The following ZNF333 variants were observed in gnomAD, a reference collection of about 807,000 sequenced individuals.
ZNF333 encodes the protein zinc finger protein 333.
A neutral mutation model predicts 76.1 loss-of-function variants in ZNF333; 61 were observed. The ratio of observed to expected loss-of-function variants is 0.80; its 90% CI spans 0.65 to 0.99. The LOEUF (loss-of-function observed/expected upper bound fraction) is 0.99. Ranked by LOEUF, ZNF333 falls within the 50% of genes least tolerant of loss-of-function variation. The pLI is 0.00. For missense variants in ZNF333, 717 were observed against 822.4 expected, an observed-to-expected ratio of 0.87 and a Z score of 1.57; for synonymous variants, 284 against 305.0, an observed-to-expected ratio of 0.93 and a Z score of 0.72.
At chr19:14,695,980 A>G (rs540918114) in intron 4 of ZNF333, among the ~76,000 whole-genome samples, 18 of 152,248 alleles carry the variant, frequency 1.2e-4, no homozygotes, top group African/African-American at 4.3e-4. Flanking sequence ...GGAGTTCGAG[A>G]CCAGCCTGGC....
At chr19:14,695,964 A>G (rs1973153256) in intron 4 of ZNF333, among the ~76,000 whole-genome samples, 1 of 152,180 alleles carries the variant, frequency 6.6e-6, no homozygotes, top group African/African-American at 2.4e-5. Flanking sequence ...GGATCACCTG[A>G]GGTCAGGAGT....
Position 14,720,170 on chromosome 19 carries a change from A to G in ZNF333, c.*845A>G. On this transcript the variant is annotated 3_prime_UTR_variant, in exon 12 of 12. Coordinates refer to ENST00000292530, the MANE Select transcript of ZNF333 (RefSeq NM_032433.4). ...CACTGCACTCCAGCCTGGGCAACAG[A>G]GTGAAACTCTGTCTCAAAAATAATA... is the stretch of plus-strand genomic sequence containing the variant. The G allele has an allele frequency of 1.0e-6, 1 of 974,970 alleles. No individual in the cohort carries two copies. The highest frequency in any genetic ancestry group is 1.2e-6 in the Non-Finnish European group (1 of 820,536). The allele number at this position is 974,970 out of a possible 1,614,324, so 60.4% of individuals were successfully genotyped here.
intron 5 of ZNF333, among the ~76,000 whole-genome samples, chr19:14,702,096 T>A (rs2041974296): frequency 6.6e-6 from 1 of 152,112 alleles, no homozygotes; most frequent in African/African-American, 2.4e-5. Context: ...CTCCGAGACC[T>A]CCCTGTCACA....
chr19:14,698,899 G>GATATATATATAT (rs60299211), intron 4 of ZNF333, among the ~76,000 whole-genome samples: 121 of 132,646 alleles, frequency 9.1e-4, no homozygotes, highest in African/African-American at 2.3e-3. Context: ...CACAAATATA[G>GATATATATATAT]ATATATATAT....
At chr19:14,698,741 T>C (rs2146960528) in intron 4 of ZNF333, among the ~76,000 whole-genome samples, 1 of 149,170 alleles carries the variant, frequency 6.7e-6, no homozygotes, top group South Asian at 2.1e-4. Context: ...CTTGGGAGGC[T>C]GAGGCAGAGA....
chr19:14,693,980 TAAAA>T (rs61027794), intron 2 of ZNF333, among the ~76,000 whole-genome samples: 60,548 of 112,784 alleles, frequency 0.54, 14,972 homozygotes, highest in South Asian at 0.68. Flanking sequence ...ACCTTGTCTC[TAAAA>T]AAAAAAAAAA....
At chr19:14,725,802 C>T (rs373656497), downstream of ZNF333, among the ~76,000 whole-genome samples, 99 of 152,314 alleles carry the variant, frequency 6.5e-4, no homozygotes, top group African/African-American at 2.3e-3. Context: ...GGTGCAACCC[C>T]CATGGCTGCT....
At chr19:14,703,563 A>C (rs779034819) in intron 5 of ZNF333, among the ~76,000 whole-genome samples, 1 of 152,168 alleles carries the variant, frequency 6.6e-6, no homozygotes, top group African/African-American at 2.4e-5. Flanking sequence ...GATTACTTGT[A>C]TTTCCTGGGA....
Position 14,719,021 on chromosome 19 carries a change from A to G in ZNF333, c.1694A>G (p.Gln565Arg), listed in dbSNP as rs750846915. Reference sequence around the variant, plus strand: ...ACTGGAGAGAAGCCCTATGTGTGCCAGGAATGTGGGCGAGCCTTCAGTGAG... The same window carrying G: ...ACTGGAGAGAAGCCCTATGTGTGCCGGGAATGTGGGCGAGCCTTCAGTGAG... ...THTGEKPYVC[Q>R]ECGRAFSEPS... The change falls in exon 12 of 12, where the codon CAG becomes CGG. Residue 565 changes from glutamine (Q) to arginine (R), a missense_variant. Coordinates refer to ENST00000292530, the MANE Select transcript of ZNF333 (RefSeq NM_032433.4). The G allele has an allele frequency of 6.2e-7, 1 of 1,614,218 alleles. No homozygotes were observed. The highest frequency in any genetic ancestry group is 1.6e-4 in the Middle Eastern group (1 of 6,062).
At chr19:14,706,475 G>T in intron 6 of ZNF333, 1 of 559,060 alleles carries the variant, frequency 1.8e-6, no homozygotes, top group South Asian at 2.1e-5. Flanking sequence ...CCCTGCCTGG[G>T]TGCCCTCTCT....
downstream of ZNF333, among the ~76,000 whole-genome samples, chr19:14,723,903 T>C (rs1349550443): frequency 6.6e-6 from 1 of 152,200 alleles, no homozygotes; most frequent in Non-Finnish European, 1.5e-5. Flanking sequence ...TTTGTTATTA[T>C]GGGTATATTA....
intron 7 of ZNF333, among the ~76,000 whole-genome samples, chr19:14,714,276 G>C (rs898037426): frequency 6.6e-6 from 1 of 152,130 alleles, no homozygotes; most frequent in Non-Finnish European, 1.5e-5. Flanking sequence ...AACCAAGTTA[G>C]GAGGTCACAA....
At chr19:14,695,257 A>C in intron 3 of ZNF333, 124 bp downstream of exon 3, 1 of 1,356,358 alleles carries the variant, frequency 7.4e-7, no homozygotes, top group Non-Finnish European at 9.9e-7. Context: ...AGGATGACAA[A>C]GCTTCATCTG....
rs745991642 is a variant in ZNF333 at position 14,706,758 on chromosome 19, G to A, written c.496G>A (p.Val166Met). The A allele has an allele frequency of 4.3e-6, 7 of 1,613,620 alleles. No homozygotes were observed. The South Asian group carries it at 6.6e-5, about 15-fold the overall frequency. ...VPTLGHRNPWVARDSAVPARD... is the reference protein window; with the variant it reads ...VPTLGHRNPWMARDSAVPARD... ...TACTCTGGGCCACCGCAACCCATGGGTGGCCAGGGATTCTGGTGAGTGAGT... is the reference window on the plus strand; with the variant it reads ...TACTCTGGGCCACCGCAACCCATGGATGGCCAGGGATTCTGGTGAGTGAGT... Residue 166 changes from valine to methionine, a missense_variant, in exon 7 of 12, where the codon GTG (valine) becomes ATG (methionine). Val to Met is a conservative substitution (Grantham distance 21, BLOSUM62 1). Coordinates refer to ENST00000292530, the MANE Select transcript of ZNF333 (RefSeq NM_032433.4).
chr19:14,696,886 A>G (rs1202984135), intron 4 of ZNF333, among the ~76,000 whole-genome samples: 1 of 151,738 alleles, frequency 6.6e-6, no homozygotes, highest in Non-Finnish European at 1.5e-5. Context: ...CTACAGGTGC[A>G]CACCACCACA....
intron 7 of ZNF333, chr19:14,707,966 G>T (rs2042164005): frequency 5.0e-6 from 2 of 400,902 alleles, no homozygotes; most frequent in East Asian, 7.1e-5. Context: ...TATATTTTTG[G>T]TAAGTCTTCT....
downstream of ZNF333, among the ~76,000 whole-genome samples, chr19:14,726,098 T>C (rs2147041008): frequency 6.6e-6 from 1 of 152,276 alleles, no homozygotes; most frequent in East Asian, 1.9e-4. Context: ...AATCTGAGCA[T>C]CTGCAGGCTT....
intron 7 of ZNF333, 179 bp downstream of exon 7, chr19:14,706,952 C>T: frequency 1.9e-6 from 1 of 537,736 alleles, no homozygotes; most frequent in Non-Finnish European, 3.2e-6. Flanking sequence ...AGGGCACTTC[C>T]AGTGACAGAT....
At chr19:14,693,920 C>CA (rs1345529750) in intron 2 of ZNF333, among the ~76,000 whole-genome samples, 1 of 146,368 alleles carries the variant, frequency 6.8e-6, no homozygotes, top group Admixed American at 7.0e-5. Flanking sequence ...ATTGAGGCTG[C>CA]ATTGAGCTAG....
Sources: gnomAD v4.1 joint callset for allele counts (sites outside exome capture counted in the v4.1 genomes callset) on GRCh38, gnomAD v4.1.1 for gene constraint, MANE v1.5 for transcripts, NCBI Gene and HGNC (gene_info 2026-07-23, HGNC 2026-07-21) for gene names.